THOC1: variants seen among roughly 807,000 people sequenced by gnomAD.
THOC1 encodes THO complex subunit 1.
A neutral mutation model predicts 97.3 loss-of-function variants in THOC1; 29 were observed. That is an observed-to-expected ratio of 0.30 (90% CI 0.22 to 0.41). The LOEUF is 0.41. THOC1 is among the 10% of genes least tolerant of loss of function. The probability of loss-of-function intolerance (pLI) is 1.00; values close to 1 mark genes in which losing one functional copy is unlikely to be tolerated. For synonymous variants in THOC1, 255 were observed against 257.0 expected (o/e 0.99, Z 0.07); for missense variants, 529 against 761.9 (o/e 0.69, Z 3.60).
intron 11 of THOC1, among the ~76,000 whole-genome samples, chr18:241,276 C>T (rs1322126567): frequency 6.6e-6 from 1 of 152,122 alleles, no homozygotes; most frequent in East Asian, 1.9e-4. Flanking sequence ...TATAAGAGAC[C>T]CACCTTAGCC....
intron 19 of THOC1, among the ~76,000 whole-genome samples, chr18:216,044 C>T (rs895378946): frequency 9.2e-5 from 14 of 152,086 alleles, no homozygotes; most frequent in Non-Finnish European, 1.5e-4. Context: ...ACCTCCGCCT[C>T]CCAGGTTCAA....
At chr18:230,240 A>G (rs1911438271) in intron 11 of THOC1, among the ~76,000 whole-genome samples, 1 of 152,128 alleles carries the variant, frequency 6.6e-6, no homozygotes, top group Admixed American at 6.5e-5. Flanking sequence ...TCAACAAGGA[A>G]CAAACCTAAA....
chr18:239,366 G>A (rs998170032), intron 11 of THOC1, among the ~76,000 whole-genome samples: 2 of 152,138 alleles, frequency 1.3e-5, no homozygotes, highest in South Asian at 4.1e-4. Context: ...GTGCAGTGGT[G>A]TGATCTCAGC....
chr18:222,294 TA>T (rs1911120158), intron 17 of THOC1, among the ~76,000 whole-genome samples: 1 of 152,226 alleles, frequency 6.6e-6, no homozygotes, highest in South Asian at 2.1e-4. Flanking sequence ...TCTTCATGTT[TA>T]CCAAAGTGTC....
chr18:249,645 G>A (rs1912214650), intron 9 of THOC1, among the ~76,000 whole-genome samples: 1 of 147,940 alleles, frequency 6.8e-6, no homozygotes, highest in Non-Finnish European at 1.5e-5. Flanking sequence ...CTGGGTGACA[G>A]AGCGAGACTC....
chr18:224,986 T>C lies in THOC1; in HGVS notation c.1146A>G (p.Leu382=). Residue 382 remains leucine, a synonymous_variant, in exon 15 of 21, where the codon TTA becomes TTG. Transcript: ENST00000261600. The stretch of plus-strand genomic sequence containing the variant: ...ACGAGTTCCAGTTTTCTTCAGTGTT[T>C]AATATATGCTGGGAAAAACAAAGCG... ...ERFSKMVEHI[L]NTEENWNSWK... 6.4e-7 allele frequency: 1 copy of C among 1,571,890 alleles called. No individual in the cohort carries two copies. Among genetic ancestry groups the C allele is most frequent in the East Asian group, 2.3e-5 (1 of 43,586 alleles).
At chr18:250,060 C>T (rs1912231944) in intron 9 of THOC1, among the ~76,000 whole-genome samples, 1 of 152,118 alleles carries the variant, frequency 6.6e-6, no homozygotes, top group Non-Finnish European at 1.5e-5. Flanking sequence ...TGCTAATTAC[C>T]ATCTCCTACC....
chr18:267,900 A>G, intron 1 of THOC1, 66 bp downstream of exon 1: 1 of 1,496,812 alleles, frequency 6.7e-7, no homozygotes, highest in South Asian at 1.2e-5. Flanking sequence ...AATTCGAGTA[A>G]TTTCAGGGAG....
At chr18:265,622 C>T (rs1459815311) in intron 1 of THOC1, 92 bp from the exon 2 acceptor site, 2 of 993,110 alleles carry the variant, frequency 2.0e-6, no homozygotes, top group African/African-American at 1.7e-5. Context: ...ATCTTACTAA[C>T]TAAAAAATGC....
intron 9 of THOC1, 93 bp downstream of exon 9, chr18:252,446 T>C (rs1912307953): frequency 1.1e-6 from 1 of 937,688 alleles, no homozygotes; most frequent in Non-Finnish European, 1.7e-6. Flanking sequence ...ATAATTTCTT[T>C]CCTCCTTGTC....
chr18:236,386 C>T (rs1286520510), intron 11 of THOC1, among the ~76,000 whole-genome samples: 22 of 131,304 alleles, frequency 1.7e-4, no homozygotes, highest in Non-Finnish European at 2.5e-4. Flanking sequence ...GACGGAGTCT[C>T]GCTCTGTCGC....
intron 4 of THOC1, among the ~76,000 whole-genome samples, chr18:263,006 TCACA>T (rs996557011): frequency 6.6e-6 from 1 of 152,198 alleles, no homozygotes; most frequent in Non-Finnish European, 1.5e-5. Context: ...TCTAAAGCTA[TCACA>T]CACAGCCATT....
intron 17 of THOC1, among the ~76,000 whole-genome samples, chr18:222,712 C>G (rs954990574): frequency 1.3e-5 from 2 of 151,874 alleles, no homozygotes; most frequent in African/African-American, 4.8e-5. Flanking sequence ...AGCACTCATC[C>G]CACTGTCTTC....
At chr18:231,172 C>T (rs968574999) in intron 11 of THOC1, among the ~76,000 whole-genome samples, 16 of 152,288 alleles carry the variant, frequency 1.1e-4, no homozygotes, top group African/African-American at 3.6e-4. Context: ...TGAACTTGAA[C>T]TCCTAGGCCC....
Position 259,109 on chromosome 18 carries a change from A to G in THOC1, c.520+71T>C, listed in dbSNP as rs931073296. 11 of 1,143,554 alleles carry G rather than the reference A, an allele frequency of 9.6e-6. No homozygotes were observed. The African/African-American group carries it at 1.6e-4, about 16-fold the overall frequency. 70.8% of individuals were successfully genotyped at this position (1,143,554 alleles called of 1,614,324 possible). ...TAGAACCATTTTTCTCATTATCATGACAGATTTTAATCTATTAAAAACTGG... is the reference window on the plus strand; with the variant it reads ...TAGAACCATTTTTCTCATTATCATGGCAGATTTTAATCTATTAAAAACTGG... On this transcript the variant is annotated intron_variant, in intron 7 of 20. Transcript: ENST00000261600.
chr18:259,778 A>T, intron 5 of THOC1, 48 bp from the exon 6 acceptor site: 5 of 1,392,282 alleles, frequency 3.6e-6, no homozygotes, highest in East Asian at 2.6e-5. Context: ...CTTGTTACAC[A>T]TTCTTCAATA....
chr18:247,807 A>G (rs762035113), intron 10 of THOC1, 42 bp downstream of exon 10: 1 of 1,237,536 alleles, frequency 8.1e-7, no homozygotes, highest in East Asian at 2.3e-5. Context: ...ATCACTGTCT[A>G]TAAAATACTG....
chr18:234,856 C>T (rs945821722), intron 11 of THOC1, among the ~76,000 whole-genome samples: 3 of 152,060 alleles, frequency 2.0e-5, no homozygotes, highest in African/African-American at 7.2e-5. Context: ...AATATACATA[C>T]ACATTTTTCC....
At chr18:232,937 T>C (rs1911535083) in intron 11 of THOC1, among the ~76,000 whole-genome samples, 3 of 152,236 alleles carry the variant, frequency 2.0e-5, no homozygotes, top group South Asian at 2.1e-4. Flanking sequence ...ATGGAATATT[T>C]TGAATACTAA....
Sources: allele counts gnomAD v4.1 joint callset (sites outside exome capture counted in the v4.1 genomes callset), GRCh38; gene constraint gnomAD v4.1.1; transcripts MANE v1.5; gene names NCBI Gene and HGNC (gene_info 2026-07-23, HGNC 2026-07-21).